Variants in UBALD1 observed in about 807,000 individuals in gnomAD.
UBALD1 encodes UBA-like domain-containing protein 1.
Under a neutral mutation model 16.1 loss-of-function variants are expected in UBALD1, and 5 were observed. The ratio of observed to expected loss-of-function variants is 0.31; its 90% CI spans 0.16 to 0.66. UBALD1 has a LOEUF of 0.66. Ranked by LOEUF, UBALD1 falls within the 30% of genes least tolerant of loss-of-function variation. The pLI, the probability that UBALD1 is intolerant of heterozygous loss-of-function variation, is 0.77. For synonymous variants in UBALD1, 146 were observed against 105.3 expected (o/e 1.39, Z -2.37); for missense variants, 220 against 252.8 (o/e 0.87, Z 0.88).
In UBALD1 at chr16:4,609,837, G is replaced by A. The variant is rs1190340020; in HGVS notation, c.330C>T (p.His110=). The change falls in exon 3 of 3, where the codon CAC becomes CAT. Residue 110 remains histidine, a synonymous_variant. Transcript: ENST00000283474. ...AGCTGCTGGTGGCGGCATGGGGGAA[G>A]TGTGGCGGGGGTGACGTGGCTGTCG... ...MAATATSPPP[H]FPHAATSSSA... is the part of the protein sequence containing the mutation. 1 of 1,532,092 alleles carries A rather than the reference G, an allele frequency of 6.5e-7. No homozygotes were observed. Among genetic ancestry groups the A allele is most frequent in the Admixed American group, 2.1e-5 (1 of 48,246 alleles). The allele number at this position is 1,532,092 out of a possible 1,614,324, so 94.9% of individuals were successfully genotyped here. A position where few individuals can be genotyped will look rare whatever the true frequency, so the allele number is the denominator to read the frequency against.
chr16:4,614,785 T>C lies in UBALD1; in HGVS notation c.13A>G (p.Met5Val). The C allele has an allele frequency of 6.6e-7, 1 of 1,521,168 alleles. No homozygotes were observed. The highest frequency in any genetic ancestry group is 8.8e-7 in the Non-Finnish European group (1 of 1,135,996). 94.2% of individuals were successfully genotyped at this position (1,521,168 alleles called of 1,614,324 possible). The change falls in exon 1 of 3, where the codon ATG becomes GTG. Residue 5 changes from methionine (M) to valine (V), a missense_variant. Met to Val is a conservative substitution (Grantham distance 21, BLOSUM62 1). Coordinates refer to ENST00000283474, the MANE Select transcript of UBALD1 (RefSeq NM_145253.3). MSVN[M>V]DELKHQVMIN... is the part of the protein sequence containing the mutation. ...ATGACCTGGTGCTTGAGCTCGTCCA[T>C]GTTCACGGACATGGCGCCGCCGCGC...
At chr16:4,611,650 G>A (rs541379120) in intron 1 of UBALD1, 2 of 152,904 alleles carry the variant, frequency 1.3e-5, no homozygotes, top group African/African-American at 2.4e-5. Flanking sequence ...CAGGACAGGT[G>A]GGGGAGACAG....
intron 2 of UBALD1, 111 bp downstream of exon 2, chr16:4,610,382 G>A: frequency 7.4e-6 from 9 of 1,216,392 alleles, no homozygotes; most frequent in Non-Finnish European, 1.0e-5. Context: ...AAGAGGTCGA[G>A]CCCCGCCTGC....
In UBALD1 at chr16:4,609,902, C is replaced by G. The variant is rs746488725; in HGVS notation, c.265G>C (p.Glu89Gln). Residue 89 changes from glutamate (E) to glutamine (Q), a missense_variant, in exon 3 of 3, where the codon GAG becomes CAG. By Grantham distance (29) the Glu-to-Gln change is conservative. Transcript: ENST00000283474. ...CCGCTGCCACCGCTGTGGAAGCTCT[C>G]GGAGGCCTTGAGACGGGAGAACATG... Reference protein sequence around the residue: ...LTMFSRLKASESFHSGGSGSP... With the variant: ...LTMFSRLKASQSFHSGGSGSP... The G allele has an allele frequency of 6.3e-7, 1 of 1,579,260 alleles. No homozygotes were observed. Among genetic ancestry groups the G allele is most frequent in the Non-Finnish European group, 8.6e-7 (1 of 1,164,000 alleles).
In UBALD1 at chr16:4,610,792, G is replaced by T. The variant is rs1160373078; in HGVS notation, c.121-237C>A. 9.5e-6 allele frequency: 5 copies of T among 527,764 alleles called. No homozygotes were observed. The East Asian group carries it at 1.6e-4, about 17-fold the overall frequency. 32.7% of individuals were successfully genotyped at this position (527,764 alleles called of 1,614,324 possible). ...GGGTGGAGAAGACCCTTCCCCTGCT[G>T]CTCGCCACCTGCCTCAGTGCCTAAG... is the stretch of plus-strand genomic sequence containing the variant. On this transcript the variant is annotated intron_variant, in intron 1 of 2. Coordinates refer to ENST00000283474, the MANE Select transcript of UBALD1 (RefSeq NM_145253.3).
chr16:4,610,391 G>A (rs1321917650), intron 2 of UBALD1, 102 bp downstream of exon 2: 18 of 1,312,904 alleles, frequency 1.4e-5, no homozygotes, highest in Non-Finnish European at 1.7e-5. Flanking sequence ...AGCCCCGCCT[G>A]CACCAGCGCC....
At chr16:4,611,926 C>T (rs1319501335) in intron 1 of UBALD1, among the ~76,000 whole-genome samples, 2 of 152,102 alleles carry the variant, frequency 1.3e-5, no homozygotes, top group Non-Finnish European at 2.9e-5. Flanking sequence ...CCGAGGTGCC[C>T]CTACCGCCAC....
intron 1 of UBALD1, chr16:4,611,009 C>T: frequency 3.1e-6 from 1 of 326,990 alleles, no homozygotes. Flanking sequence ...CTACTCTTCT[C>T]TAAGCCTCGG....
intron 1 of UBALD1, chr16:4,610,863 C>A (rs1897350402): frequency 2.2e-6 from 1 of 445,134 alleles, no homozygotes; most frequent in Non-Finnish European, 4.0e-6. Context: ...AGCACCATGA[C>A]TGGGGGAGGG....
At chr16:4,610,634 G>C in intron 1 of UBALD1, 79 bp from the exon 2 acceptor site, 1 of 1,510,076 alleles carries the variant, frequency 6.6e-7, no homozygotes, top group Non-Finnish European at 9.0e-7. Flanking sequence ...GCTCCTCTGA[G>C]GCTGGGGATG....
intron 1 of UBALD1, among the ~76,000 whole-genome samples, chr16:4,611,847 C>A (rs1336674370): frequency 2.0e-5 from 3 of 152,148 alleles, no homozygotes; most frequent in African/African-American, 7.2e-5. Flanking sequence ...AGTGAGGGAG[C>A]CCCACAAGTA....
rs560640826 is a variant in UBALD1 at position 4,610,484 on chromosome 16, G to A, written c.183+9C>T. 3.1e-6 allele frequency: 5 copies of A among 1,601,574 alleles called. No individual in the cohort carries two copies. In the South Asian group the frequency reaches 3.4e-5, roughly 11 times the overall value. ...CCAATCCAGAACTGGGGACTCCGGGGACACTTACCATCTGGTGGTGATGGT... is the reference window on the plus strand; with the variant it reads ...CCAATCCAGAACTGGGGACTCCGGGAACACTTACCATCTGGTGGTGATGGT... On this transcript the variant is annotated intron_variant, in intron 2 of 2. Coordinates refer to ENST00000283474, the MANE Select transcript of UBALD1 (RefSeq NM_145253.3).
chr16:4,610,828 C>T (rs1897349950), intron 1 of UBALD1: 3 of 470,288 alleles, frequency 6.4e-6, no homozygotes, highest in African/African-American at 4.0e-5. Context: ...GCCTGCAGAG[C>T]CCTCCCCCTG....
At chr16:4,613,441 C>G (rs927365133) in intron 1 of UBALD1, among the ~76,000 whole-genome samples, 5 of 152,170 alleles carry the variant, frequency 3.3e-5, no homozygotes, top group Non-Finnish European at 7.4e-5. Flanking sequence ...ATGTACTCAT[C>G]TGGATGGGAT....
intron 1 of UBALD1, among the ~76,000 whole-genome samples, chr16:4,612,642 T>A (rs1179071826): frequency 1.3e-5 from 2 of 151,534 alleles, no homozygotes; most frequent in East Asian, 3.9e-4. Flanking sequence ...CACCGGCCCC[T>A]CCCCCTGCAG....
chr16:4,610,302 A>AGACCTG, intron 2 of UBALD1, 191 bp downstream of exon 2: 1 of 717,088 alleles, frequency 1.4e-6, no homozygotes, highest in Non-Finnish European at 2.5e-6. Flanking sequence ...CCCAGGTCTC[A>AGACCTG]GGGGGAGCTG....
intron 1 of UBALD1, 124 bp from the exon 2 acceptor site, chr16:4,610,679 C>G (rs749846352): frequency 2.7e-6 from 3 of 1,105,810 alleles, no homozygotes; most frequent in Non-Finnish European, 3.9e-6. Context: ...AGGGGTGAGT[C>G]GCGGTGCTGA....
chr16:4,609,972 G>C lies in UBALD1; in HGVS notation c.195C>G (p.Pro65=), dbSNP rs753098735. Residue 65 remains proline, a synonymous_variant, in exon 3 of 3, where the codon CCC becomes CCG. Coordinates refer to ENST00000283474, the MANE Select transcript of UBALD1 (RefSeq NM_145253.3). The part of the protein sequence containing the change: ...SHHHHQMMCT[P]ANTPATPPNF... ...TGGGGGGTGTAGCAGGGGTATTGGC[G>C]GGGGTGCACATCTGTGAGGGGAAGA... The C allele has an allele frequency of 2.5e-6, 4 of 1,584,644 alleles. No homozygotes were observed. In the Admixed American group the frequency reaches 5.2e-5, roughly 21 times the overall value.
chr16:4,610,007 T>C, intron 2 of UBALD1, 24 bp from the exon 3 acceptor site: 2 of 1,431,672 alleles, frequency 1.4e-6, no homozygotes, highest in South Asian at 1.2e-5. Context: ...AGAGGAGAGA[T>C]GGGGTGAGCA....
Sources: allele counts gnomAD v4.1 joint callset (sites outside exome capture counted in the v4.1 genomes callset), GRCh38; gene constraint gnomAD v4.1.1; transcripts MANE v1.5; gene names NCBI Gene and HGNC (gene_info 2026-07-23, HGNC 2026-07-21).